The following VIT variants were observed in gnomAD, a reference collection of about 807,000 sequenced individuals.
VIT encodes vitrin.
In VIT, 99 loss-of-function variants were observed where a neutral mutation model predicts 78.0. The observed-to-expected ratio is 1.27, with a 90% CI of 1.08 to 1.50. The LOEUF (loss-of-function observed/expected upper bound fraction) is 1.50, where lower values mean the gene tolerates loss of function less well. Ranked by LOEUF, VIT falls within the 40% of genes most tolerant of loss-of-function variation. VIT has a pLI of 0.00. For synonymous variants in VIT, 374 were observed against 334.3 expected, an observed-to-expected ratio of 1.12 and a Z score of -1.29; for missense variants, 1,126 against 875.3, an observed-to-expected ratio of 1.29 and a Z score of -3.61.
chr2:36,804,501 A>C (rs888544383), intron 13 of VIT, among the ~76,000 whole-genome samples: 1 of 152,176 alleles, frequency 6.6e-6, no homozygotes, highest in African/African-American at 2.4e-5. Context: ...TTAGGGGCTT[A>C]GTGTGGGTCC....
intron 2 of VIT, among the ~76,000 whole-genome samples, chr2:36,727,850 A>G (rs1242046046): frequency 6.6e-6 from 1 of 152,258 alleles, no homozygotes; most frequent in African/African-American, 2.4e-5. Context: ...AAATAAATGT[A>G]TAGCACATAC....
intron 13 of VIT, among the ~76,000 whole-genome samples, chr2:36,805,019 C>T (rs1666603764): frequency 6.6e-6 from 1 of 151,918 alleles, no homozygotes; most frequent in Non-Finnish European, 1.5e-5. Flanking sequence ...AAAAAAGTAA[C>T]AGGCCGGGTG....
intron 12 of VIT, among the ~76,000 whole-genome samples, chr2:36,791,215 C>A (rs1392933274): frequency 1.3e-5 from 2 of 152,168 alleles, no homozygotes; most frequent in African/African-American, 4.8e-5. Context: ...GTGAGTGGCT[C>A]TGACTTGGCC....
intron 15 of VIT, among the ~76,000 whole-genome samples, chr2:36,813,401 G>C (rs10200515): frequency 1.3e-5 from 2 of 151,858 alleles, no homozygotes; most frequent in African/African-American, 4.8e-5. Flanking sequence ...GTGAGTGGAG[G>C]TCACACCATT....
chr2:36,745,720 G>C (rs564443749), intron 4 of VIT, among the ~76,000 whole-genome samples: 64 of 152,116 alleles, frequency 4.2e-4, no homozygotes, highest in Non-Finnish European at 7.9e-4. Flanking sequence ...GAGTCTTTAG[G>C]GTTTTCTAGG....
At chr2:36,759,271 C>T in intron 6 of VIT, 2 of 1,482,934 alleles carry the variant, frequency 1.3e-6, no homozygotes, top group Non-Finnish European at 1.8e-6. Context: ...GAGATTGTGT[C>T]TCTATATTTG....
chr2:36,737,547 TGTAGTTCAC>T, intron 3 of VIT, among the ~76,000 whole-genome samples: 1 of 152,340 alleles, frequency 6.6e-6, no homozygotes, highest in South Asian at 2.1e-4. Context: ...ATGTACAACA[TGTAGTTCAC>T]ATAGTTCTCT....
At chr2:36,730,624 T>C (rs375540639) in intron 3 of VIT, among the ~76,000 whole-genome samples, 1 of 152,212 alleles carries the variant, frequency 6.6e-6, no homozygotes, top group African/African-American at 2.4e-5. Context: ...CTCGGCCACA[T>C]TGGCATGCCC....
chr2:36,698,079 T>G (rs982166348), intron 1 of VIT, among the ~76,000 whole-genome samples: 1 of 152,214 alleles, frequency 6.6e-6, no homozygotes, highest in Non-Finnish European at 1.5e-5. Flanking sequence ...GCCCATCTTT[T>G]ATTTATTGAA....
chr2:36,773,976 G>T (rs1669909967), intron 8 of VIT, 129 bp downstream of exon 8: 1 of 904,788 alleles, frequency 1.1e-6, no homozygotes, highest in Non-Finnish European at 1.5e-6. Flanking sequence ...GCCAACAGAA[G>T]ATGCCACTCA....
intron 1 of VIT, among the ~76,000 whole-genome samples, chr2:36,702,277 A>T (rs4670591): frequency 6.6e-6 from 1 of 151,980 alleles, no homozygotes; most frequent in African/African-American, 2.4e-5. Flanking sequence ...GCTTTGGACA[A>T]GCAGACACAG....
intron 12 of VIT, among the ~76,000 whole-genome samples, chr2:36,793,435 G>C (rs1665644243): frequency 6.6e-6 from 1 of 152,180 alleles, no homozygotes; most frequent in South Asian, 2.1e-4. Context: ...TGAGCAGATT[G>C]GCCCAGGACG....
chr2:36,763,400 A>G (rs534704430), intron 6 of VIT, among the ~76,000 whole-genome samples: 20 of 152,310 alleles, frequency 1.3e-4, no homozygotes, highest in Middle Eastern at 3.4e-3. Flanking sequence ...AAATCTTTGA[A>G]AAAAGATCAA....
intron 12 of VIT, among the ~76,000 whole-genome samples, chr2:36,788,959 T>C (rs1665293827): frequency 6.6e-6 from 1 of 152,140 alleles, no homozygotes; most frequent in South Asian, 2.1e-4. Flanking sequence ...CCCCAAAACA[T>C]TTTCCCCACA....
Position 36,808,492 on chromosome 2 carries a change from C to T in VIT, c.1410C>T (p.Gly470=). The change falls in exon 15 of 16, where the codon GGC becomes GGT. Residue 470 remains glycine (G), a synonymous_variant. Transcript: ENST00000379242. The stretch of plus-strand genomic sequence containing the variant: ...TCTAGGCCGTGTGCAGAACAAACGG[C>T]TTCTACTCGCTCCACGTGCAGAGCT... The part of the protein sequence containing the change: ...FANKAVCRTN[G]FYSLHVQSWF... 1.2e-6 allele frequency: 2 copies of T among 1,610,266 alleles called. No individual in the cohort carries two copies. Among genetic ancestry groups the T allele is most frequent in the Non-Finnish European group, 1.7e-6 (2 of 1,177,158 alleles).
chr2:36,736,997 T>C (rs1485120978), intron 3 of VIT, among the ~76,000 whole-genome samples: 12 of 152,010 alleles, frequency 7.9e-5, no homozygotes. Flanking sequence ...AAAAGTACCA[T>C]GAAGATCCAA....
chr2:36,806,169 T>G (rs1404666583), intron 14 of VIT, among the ~76,000 whole-genome samples: 1 of 152,166 alleles, frequency 6.6e-6, no homozygotes, highest in East Asian at 1.9e-4. Context: ...TGTGGAGCAA[T>G]GCCTCCCTCA....
intron 12 of VIT, among the ~76,000 whole-genome samples, chr2:36,789,384 G>A (rs1239522101): frequency 6.6e-6 from 1 of 152,224 alleles, no homozygotes; most frequent in South Asian, 2.1e-4. Flanking sequence ...GTAAATGAAT[G>A]TGGGACTAAC....
chr2:36,738,289 A>G (rs904596538), intron 3 of VIT, among the ~76,000 whole-genome samples: 2 of 152,218 alleles, frequency 1.3e-5, no homozygotes, highest in Non-Finnish European at 2.9e-5. Flanking sequence ...CTTTGGGTTT[A>G]TAGGCCTGAG....
Sources: gnomAD v4.1 joint callset for allele counts (sites outside exome capture counted in the v4.1 genomes callset) on GRCh38, gnomAD v4.1.1 for gene constraint, MANE v1.5 for transcripts, NCBI Gene and HGNC (gene_info 2026-07-23, HGNC 2026-07-21) for gene names.